SLC35B3: variants seen among roughly 807,000 people sequenced by gnomAD.
The protein encoded by SLC35B3 is solute carrier family 35 member B3, also known as adenosine 3'-phospho 5'-phosphosulfate transporter 2.
In SLC35B3, 35 loss-of-function variants were observed where a neutral mutation model predicts 44.1. The observed-to-expected ratio is 0.79, with a 90% CI of 0.61 to 1.05. SLC35B3 has a LOEUF of 1.05. SLC35B3 is among the 50% of genes least tolerant of loss of function. The pLI, the probability that SLC35B3 is intolerant of heterozygous loss-of-function variation, is 0.00. For synonymous variants in SLC35B3, 146 were observed against 167.3 expected (o/e 0.87, Z 0.98); for missense variants, 414 against 476.4 (o/e 0.87, Z 1.22).
chr6:8,414,814 A>C, intron 10 of SLC35B3, 94 bp downstream of exon 9: 1 of 636,740 alleles, frequency 1.6e-6, no homozygotes, highest in South Asian at 3.1e-5. Flanking sequence ...ACTACAAAAA[A>C]GAAAAAGTAG....
At chr6:8,429,686 A>G (rs1403253130) in intron 3 of SLC35B3, 178 bp downstream of exon 2, 1 of 450,704 alleles carries the variant, frequency 2.2e-6, no homozygotes, top group African/African-American at 2.5e-5. Flanking sequence ...CACTTAAATT[A>G]TTTAACTCTT....
chr6:8,424,202 A>G (rs2113416765), intron 4 of SLC35B3, among the ~76,000 whole-genome samples: 1 of 152,324 alleles, frequency 6.6e-6, no homozygotes, highest in Non-Finnish European at 1.5e-5. Flanking sequence ...CAGGATACTC[A>G]CTATTTCTAT....
chr6:8,411,798 A>C lies in SLC35B3; in HGVS notation c.*1751T>G, dbSNP rs113167079. On this transcript the variant is annotated 3_prime_UTR_variant, in exon 11 of 11. Transcript: ENST00000644923. ...AAGTATATTATACTCACAAAATATA[A>C]ACAGTGTCCCCAAGAGCACTAAGCT... Among the ~76,000 whole-genome samples, 263 of 152,286 alleles carry C rather than the reference A, an allele frequency of 1.7e-3. No homozygotes were observed. The highest frequency in any genetic ancestry group is 6.0e-3 in the African/African-American group (249 of 41,562).
intron 4 of SLC35B3, among the ~76,000 whole-genome samples, chr6:8,423,334 G>A (rs139986024): frequency 1.6e-3 from 244 of 152,190 alleles, no homozygotes; most frequent in African/African-American, 5.1e-3. Flanking sequence ...AACCCTAGAT[G>A]TAATTTTTAT....
rs553877848 is a variant in SLC35B3 at position 8,419,495 on chromosome 6, A to G, written c.780+85T>C. ...AAAATGAGTTTAAAAATGCAATGCT[A>G]GTTATAATAATTATTTCATCAAATT... On this transcript the variant is annotated intron_variant, in intron 7 of 10. Transcript: ENST00000644923. This position sits in a 1 kb window ranked among gnomAD's most constrained non-coding sequence, Gnocchi z 4.3. 5.6e-5 allele frequency: 36 copies of G among 645,230 alleles called. No individual in the cohort carries two copies. The African/African-American group carries it at 6.1e-4, about 11-fold the overall frequency. 40.0% of individuals were successfully genotyped at this position (645,230 alleles called of 1,614,324 possible).
rs527720178 is a variant in SLC35B3, at chr6:8,432,272, A to T, written c.3+2113T>A. Among the ~76,000 whole-genome samples, 233 of 151,842 alleles carry T rather than the reference A, an allele frequency of 1.5e-3. 1 individual carries two copies. Among genetic ancestry groups the T allele is most frequent in the African/African-American group, 5.4e-3 (225 of 41,452 alleles). On this transcript the variant is annotated intron_variant, in intron 2 of 10. Transcript: ENST00000644923. This position sits in a 1 kb window ranked among gnomAD's most constrained non-coding sequence, Gnocchi z 4.8. Reference sequence around the variant, plus strand: ...GGCAAACTTTATGAGCAAAACTGAAAATCTTATAGAAAAAGAGTGGGGAAA... The same window carrying T: ...GGCAAACTTTATGAGCAAAACTGAATATCTTATAGAAAAAGAGTGGGGAAA...
rs1561743342 is a variant in SLC35B3 at position 8,414,498 on chromosome 6, A to G, written c.1055+410T>C. ...GGAAACAGGCATCAAATAAACTAGT[A>G]TTTTTTTAAAGCATGTGATGTAAAT... On this transcript the variant is annotated intron_variant, in intron 10 of 10. Coordinates refer to ENST00000644923, the MANE Select transcript of SLC35B3 (RefSeq NM_001370476.2). Among the ~76,000 whole-genome samples, 3 of 152,176 alleles carry G rather than the reference A, an allele frequency of 2.0e-5. No individual in the cohort carries two copies. In the South Asian group the frequency reaches 6.2e-4, roughly 31 times the overall value.
chr6:8,421,214 A>G (rs1034276), intron 5 of SLC35B3, among the ~76,000 whole-genome samples: 81,580 of 151,824 alleles, frequency 0.54, 24,143 homozygotes, highest in African/African-American at 0.81. Context: ...CGAAGTAACC[A>G]GATTAATGAG....
At chr6:8,430,381 T>TA (rs1467693775) in intron 2 of SLC35B3, among the ~76,000 whole-genome samples, 2 of 151,854 alleles carry the variant, frequency 1.3e-5, no homozygotes, top group African/African-American at 4.8e-5. Flanking sequence ...AAACTGAATA[T>TA]AAACCATACT....
chr6:8,416,777 A>C (rs1762447179), intron 9 of SLC35B3, 107 bp downstream of exon 8: 1 of 488,430 alleles, frequency 2.0e-6, no homozygotes, highest in Non-Finnish European at 3.7e-6. Context: ...GAAATATGAT[A>C]ATTTTCTTTT....
rs1762087235 is a variant in SLC35B3, at chr6:8,412,491, G to C, written c.*1058C>G. Among the ~76,000 whole-genome samples, 1 of 151,832 alleles carries C rather than the reference G, an allele frequency of 6.6e-6. No individual in the cohort carries two copies. The highest frequency in any genetic ancestry group is 6.6e-5 in the Admixed American group (1 of 15,242). Reference sequence around the variant, plus strand: ...AAAAAAATCCAATCATGATTCCTTTGGGATTACTTGGGCAAACTGTAGCAA... The same window carrying C: ...AAAAAAATCCAATCATGATTCCTTTCGGATTACTTGGGCAAACTGTAGCAA... On this transcript the variant is annotated 3_prime_UTR_variant, in exon 11 of 11. Coordinates refer to ENST00000644923, the MANE Select transcript of SLC35B3 (RefSeq NM_001370476.2).
chr6:8,431,556 T>G (rs887994286), intron 2 of SLC35B3, among the ~76,000 whole-genome samples: 17 of 152,224 alleles, frequency 1.1e-4, no homozygotes, highest in Admixed American at 7.2e-4. Context: ...TATTTCTAAA[T>G]AGAAAAGTTG....
intron 4 of SLC35B3, among the ~76,000 whole-genome samples, chr6:8,427,303 C>T (rs1400822651): frequency 6.6e-6 from 1 of 152,124 alleles, no homozygotes; most frequent in Admixed American, 6.5e-5. Flanking sequence ...GCAGCCACTC[C>T]CATCACAGGC....
At chr6:8,428,447 A>C (rs1037208053) in intron 3 of SLC35B3, among the ~76,000 whole-genome samples, 3 of 152,190 alleles carry the variant, frequency 2.0e-5, no homozygotes, top group Admixed American at 1.3e-4. Context: ...GTATGTATGA[A>C]TATGCATACA....
intron 4 of SLC35B3, 149 bp downstream of exon 3, chr6:8,427,788 T>C: frequency 1.7e-6 from 1 of 578,572 alleles, no homozygotes; most frequent in East Asian, 3.1e-5. Flanking sequence ...TATAAATGAA[T>C]AAAATGTATT....
chr6:8,416,622 G>T (rs930755008), intron 9 of SLC35B3, among the ~76,000 whole-genome samples: 1 of 152,140 alleles, frequency 6.6e-6, no homozygotes, highest in African/African-American at 2.4e-5. Context: ...TTTATAGAAA[G>T]TTCTTTTAAT....
At position 8,414,919 on chromosome 6, in the gene SLC35B3, T is replaced by G. The variant is rs541326138; in HGVS notation, c.1044A>C (p.Pro348=). 199 of 1,591,118 alleles carry G rather than the reference T, an allele frequency of 1.3e-4. No homozygotes were observed. The highest frequency in any genetic ancestry group is 1.6e-4 in the Non-Finnish European group (190 of 1,164,684). The change falls in exon 10 of 11, where the codon CCA becomes CCC. Residue 348 remains proline, a synonymous_variant. Coordinates refer to ENST00000644923, the MANE Select transcript of SLC35B3 (RefSeq NM_001370476.2). Reference sequence around the variant, plus strand: ...TAAGAAGTACTTACTGAAACGTGAATGGTTTAGCAAAGAATATAAACGAAA... The same window carrying G: ...TAAGAAGTACTTACTGAAACGTGAAGGGTTTAGCAAAGAATATAAACGAAA...
At position 8,433,116 on chromosome 6, in the gene SLC35B3, CCTCT is replaced by C. The variant is rs1321114364; in HGVS notation, c.3+1265_3+1268del. Reference sequence around the variant, plus strand: ...TTTGCCAAGATTCCTGTTAACTCTACCTCTATAACTATATCTAATATCTGTTTCG... The same window carrying C: ...TTTGCCAAGATTCCTGTTAACTCTACATAACTATATCTAATATCTGTTTCG... On this transcript the variant is annotated intron_variant, in intron 2 of 10. Transcript: ENST00000644923. The surrounding 1 kb of genome is among the most constrained non-coding windows in gnomAD (Gnocchi z 4.1). Among the ~76,000 whole-genome samples the C allele has an allele frequency of 3.0e-4, 46 of 152,136 alleles. No homozygotes were observed. Among genetic ancestry groups the C allele is most frequent in the African/African-American group, 1.1e-3 (46 of 41,434 alleles).
chr6:8,429,158 C>T (rs891822602), intron 3 of SLC35B3, among the ~76,000 whole-genome samples: 1 of 152,024 alleles, frequency 6.6e-6, no homozygotes. Flanking sequence ...ATTAAATGAC[C>T]ATTCATAAAA....
Sources: allele counts gnomAD v4.1 joint callset (sites outside exome capture counted in the v4.1 genomes callset), GRCh38; gene constraint gnomAD v4.1.1; non-coding constraint Gnocchi (gnomAD v3.1); transcripts MANE v1.5; gene names NCBI Gene and HGNC (gene_info 2026-07-23, HGNC 2026-07-21).